The following NCOR1 variants were observed in gnomAD, a reference collection of about 807,000 sequenced individuals.
NCOR1 encodes the protein protein phosphatase 1, regulatory subunit 109.
A neutral mutation model predicts 288.1 loss-of-function variants in NCOR1; 63 were observed. The ratio of observed to expected loss-of-function variants is 0.22; its 90% CI spans 0.18 to 0.27. The LOEUF is 0.27. Ranked by LOEUF, NCOR1 falls within the 10% of genes least tolerant of loss-of-function variation. The pLI is 1.00. For synonymous variants in NCOR1, 1,007 were observed against 1,065.9 expected, an observed-to-expected ratio of 0.94 and a Z score of 1.08; for missense variants, 2,397 against 3,019.2, an observed-to-expected ratio of 0.79 and a Z score of 4.83.
chr17:16,138,613 T>TA (rs1214159605), intron 12 of NCOR1, among the ~76,000 whole-genome samples: 1 of 152,190 alleles, frequency 6.6e-6, no homozygotes, highest in Non-Finnish European at 1.5e-5. Flanking sequence ...ATACTATGTA[T>TA]AGGGCTTTCT....
At chr17:16,164,940 A>AACATACATTCTT in intron 5 of NCOR1, 39 bp downstream of exon 5, 2 of 1,379,432 alleles carry the variant, frequency 1.4e-6, no homozygotes, top group Non-Finnish European at 2.0e-6. Flanking sequence ...TAGGGAGACA[A>AACATACATTCTT]ACATACATTC....
chr17:16,082,799 T>C (rs2063598160), intron 23 of NCOR1, among the ~76,000 whole-genome samples: 1 of 85,416 alleles, frequency 1.2e-5, no homozygotes, highest in South Asian at 3.3e-4. Context: ...AAAGAAATCA[T>C]TAAAAAGAAC....
Position 16,079,004 on chromosome 17 carries a change from T to A in NCOR1, c.3501+960A>T, listed in dbSNP as rs181434094. ...GGGAACCTCAGTAAAATGGGGATTT[T>A]AATTCACATGATCTAGAGTGCGGAC... On this transcript the variant is annotated intron_variant, in intron 26 of 45. Coordinates refer to ENST00000268712, the MANE Select transcript of NCOR1 (RefSeq NM_006311.4). 5.1e-4 allele frequency among the ~76,000 whole-genome samples: 77 copies of A among 152,346 alleles called. 1 individual carries two copies. In the East Asian group the frequency reaches 0.014, roughly 27 times the overall value.
At chr17:16,127,297 GTA>G (rs1368304584) in intron 14 of NCOR1, among the ~76,000 whole-genome samples, 2 of 104,464 alleles carry the variant, frequency 1.9e-5, no homozygotes, top group African/African-American at 3.5e-5. Flanking sequence ...ATATATGTAT[GTA>G]TGTATATATA....
At position 16,064,925 on chromosome 17, in the gene NCOR1, A is replaced by C. The variant is rs2060955360; in HGVS notation, c.5046T>G (p.Pro1682=). 6.2e-7 allele frequency: 1 copy of C among 1,613,912 alleles called. No individual in the cohort carries two copies. Among genetic ancestry groups the C allele is most frequent in the African/African-American group, 1.3e-5 (1 of 74,932 alleles). ...TPPMDRITYI[P]GTQITFPPRP... is the part of the protein sequence containing the mutation. The stretch of plus-strand genomic sequence containing the variant: ...TGGGAGGGAAAGTAATCTGTGTACC[A>C]GGAATATAAGTGATTCTGTCCATGG... The change falls in exon 34 of 46, where the codon CCT becomes CCG. Residue 1682 remains proline (P), a synonymous_variant. Coordinates refer to ENST00000268712, the MANE Select transcript of NCOR1 (RefSeq NM_006311.4).
intron 35 of NCOR1, among the ~76,000 whole-genome samples, chr17:16,063,336 C>T (rs1277353793): frequency 1.3e-5 from 2 of 151,930 alleles, no homozygotes; most frequent in African/African-American, 2.4e-5. Context: ...CACACCACGG[C>T]TGCTGGCTAA....
intron 9 of NCOR1, among the ~76,000 whole-genome samples, chr17:16,147,913 G>A (rs935844159): frequency 3.9e-5 from 6 of 152,166 alleles, no homozygotes; most frequent in Admixed American, 3.9e-4. Context: ...CGCCTCCCGG[G>A]TTCAAGTTAT....
rs757028183 is a variant in NCOR1, at chr17:16,052,509, G to A, written c.6393-3521C>T. Among the ~76,000 whole-genome samples, 12 of 152,024 alleles carry A rather than the reference G, an allele frequency of 7.9e-5. 1 individual carries two copies. The highest frequency in any genetic ancestry group is 1.8e-4 in the Non-Finnish European group (12 of 68,008). On this transcript the variant is annotated intron_variant, in intron 40 of 45. Transcript: ENST00000268712. ...ATAACCTAGGAAATCTAAAAGAAAT[G>A]GATAAATTTCTGGTCACATACACCC...
intron 21 of NCOR1, among the ~76,000 whole-genome samples, chr17:16,095,142 T>A (rs530887021): frequency 1.5e-5 from 2 of 129,312 alleles, no homozygotes; most frequent in East Asian, 2.4e-4. Context: ...CCGGCCGCCA[T>A]CCCATCTAGG....
Position 16,065,707 on chromosome 17 carries a change from A to G in NCOR1, c.4742-13T>C, listed in dbSNP as rs754878442. 1 of 1,613,370 alleles carries G rather than the reference A, an allele frequency of 6.2e-7. No homozygotes were observed. Among genetic ancestry groups the G allele is most frequent in the Non-Finnish European group, 8.5e-7 (1 of 1,179,308 alleles). ...TAAGCAGCCGCTGCTGATTGAGAGA[A>G]TGAAAGAAAGGCACTGAGTTTTGTC... is the stretch of plus-strand genomic sequence containing the variant. On this transcript the variant is annotated splice_polypyrimidine_tract_variant and intron_variant, in intron 32 of 45. Transcript: ENST00000268712.
At position 16,121,118 on chromosome 17, in the gene NCOR1, C is replaced by T. The variant is rs2153151297; in HGVS notation, c.1786G>A (p.Ala596Thr). 1 of 1,614,180 alleles carries T rather than the reference C, an allele frequency of 6.2e-7. No individual in the cohort carries two copies. Among genetic ancestry groups the T allele is most frequent in the African/African-American group, 1.3e-5 (1 of 75,040 alleles). ...GTAGCCGCTGCGGCTGCAGCACTGG[C>T]AGCTGCAGCTTCGTTTGTCATGGAC... ...TRSMTNEAAA[A>T]SAAAAAATEE... The change falls in exon 16 of 46, where the codon GCC becomes ACC. Residue 596 changes from alanine to threonine, a missense_variant. Transcript: ENST00000268712.
intron 26 of NCOR1, among the ~76,000 whole-genome samples, chr17:16,077,218 G>A (rs901326368): frequency 6.6e-6 from 1 of 151,850 alleles, no homozygotes; most frequent in Admixed American, 6.6e-5. Flanking sequence ...CCAACATGGC[G>A]AAACCCCATC....
intron 1 of NCOR1, among the ~76,000 whole-genome samples, chr17:16,207,490 C>T (rs2091650227): frequency 1.3e-5 from 2 of 152,008 alleles, no homozygotes; most frequent in South Asian, 4.1e-4. Context: ...GCCTGTAATC[C>T]CAGCACTTTG....
intron 45 of NCOR1, among the ~76,000 whole-genome samples, chr17:16,033,423 C>T (rs890431353): frequency 7.2e-5 from 11 of 152,034 alleles, no homozygotes; most frequent in African/African-American, 2.7e-4. Flanking sequence ...TTAATTCTTC[C>T]CTAAGAGATC....
rs1460163593 is a variant in NCOR1, at chr17:16,058,054, G to GGT, written c.6019_6020dup (p.Arg2008ProfsTer42). ...GATGTAATGGTCCTTCATATTGTCTGGTAGGATCATCTAGGAGAGAACACA... is the reference window on the plus strand; with the variant it reads ...GATGTAATGGTCCTTCATATTGTCTGGTGTAGGATCATCTAGGAGAGAACACA... On this transcript the variant is annotated frameshift_variant, in exon 39 of 46. Transcript: ENST00000268712. LOFTEE classifies it high-confidence loss of function. 1 of 1,613,874 alleles carries GGT rather than the reference G, an allele frequency of 6.2e-7. No individual in the cohort carries two copies. Among genetic ancestry groups the GGT allele is most frequent in the African/African-American group, 1.3e-5 (1 of 74,896 alleles).
chr17:16,099,801 A>T (rs1358888431), intron 20 of NCOR1, among the ~76,000 whole-genome samples: 1 of 152,220 alleles, frequency 6.6e-6, no homozygotes, highest in Non-Finnish European at 1.5e-5. Context: ...GTGATAGTCA[A>T]ATTTTCTGGT....
At position 16,035,268 on chromosome 17, in the gene NCOR1, G is replaced by A. The variant is rs947462389; in HGVS notation, c.6956-324C>T. Among the ~76,000 whole-genome samples the A allele has an allele frequency of 3.9e-5, 6 of 152,144 alleles. No individual in the cohort carries two copies. In the South Asian group the frequency reaches 1.2e-3, roughly 32 times the overall value. ...GACTTATTTGTAGCATGCAATGATA[G>A]CATTTTAGCCACAGTAGAACTTTCA... On this transcript the variant is annotated intron_variant, in intron 44 of 45. Coordinates refer to ENST00000268712, the MANE Select transcript of NCOR1 (RefSeq NM_006311.4).
At chr17:16,098,239 T>C in intron 21 of NCOR1, 128 bp downstream of exon 21, 1 of 907,692 alleles carries the variant, frequency 1.1e-6, no homozygotes, top group Non-Finnish European at 1.7e-6. Flanking sequence ...TGGTTACGAT[T>C]ATTAATTTCA....
intron 30 of NCOR1, among the ~76,000 whole-genome samples, chr17:16,071,139 G>A (rs757803011): frequency 6.6e-6 from 1 of 151,880 alleles, no homozygotes. Context: ...AATTCTGGGT[G>A]TGGAGGTACA....
Sources: allele counts gnomAD v4.1 joint callset (sites outside exome capture counted in the v4.1 genomes callset), GRCh38; gene constraint gnomAD v4.1.1; transcripts MANE v1.5; gene names NCBI Gene and HGNC (gene_info 2026-07-23, HGNC 2026-07-21).